GALNT13: variants seen among roughly 807,000 people sequenced by gnomAD.
GALNT13 encodes UDP-GalNAc:polypeptide N-acetylgalactosaminyltransferase 13.
In GALNT13, 28 loss-of-function variants were observed where a neutral mutation model predicts 64.2. That is an observed-to-expected ratio of 0.44 (90% CI 0.32 to 0.60). GALNT13 has a LOEUF of 0.60. GALNT13 is among the 20% of genes least tolerant of loss of function. The pLI, the probability that GALNT13 is intolerant of heterozygous loss-of-function variation, is 0.05. For missense variants in GALNT13, 577 were observed against 669.8 expected (o/e 0.86, Z 1.53); for synonymous variants, 214 against 224.6 (o/e 0.95, Z 0.42).
chr2:153,480,948 T>G, the GALNT13 span, among the ~76,000 whole-genome samples: 1 of 152,162 alleles, frequency 6.6e-6, no homozygotes. Flanking sequence ...TTTGAGTATA[T>G]TTATTGCTAG....
At chr2:153,158,713 G>A in the GALNT13 span, among the ~76,000 whole-genome samples, 1 of 152,112 alleles carries the variant, frequency 6.6e-6, no homozygotes, top group Admixed American at 6.5e-5. Flanking sequence ...TCTATTGTAT[G>A]GGATCTTTAA....
At chr2:153,794,840 G>C in the GALNT13 span, among the ~76,000 whole-genome samples, 298 of 152,210 alleles carry the variant, frequency 2.0e-3, no homozygotes, top group Admixed American at 4.4e-3. Flanking sequence ...TTCTTAATGT[G>C]ATACTTCAGA....
chr2:153,410,121 T>C, the GALNT13 span, among the ~76,000 whole-genome samples: 188 of 152,318 alleles, frequency 1.2e-3, no homozygotes, highest in Non-Finnish European at 2.2e-3. Flanking sequence ...GGTGTCACTC[T>C]GTCACCTAGG....
At chr2:153,554,849 AT>A in the GALNT13 span, among the ~76,000 whole-genome samples, 1 of 152,042 alleles carries the variant, frequency 6.6e-6, no homozygotes, top group East Asian at 1.9e-4. Flanking sequence ...CTTTCTTTTT[AT>A]ATCCTTTTAA....
the GALNT13 span, among the ~76,000 whole-genome samples, chr2:153,260,496 C>T: frequency 6.6e-6 from 1 of 152,024 alleles, no homozygotes; most frequent in Non-Finnish European, 1.5e-5. Context: ...TTTTCTTTTC[C>T]TTCAGTGCAT....
intron 3 of GALNT13, among the ~76,000 whole-genome samples, chr2:154,121,296 C>G (rs1574541547): frequency 6.6e-6 from 1 of 152,094 alleles, no homozygotes; most frequent in South Asian, 2.1e-4. Context: ...TTGAGACTTT[C>G]TATTTTGCTA....
chr2:154,105,079 G>A (rs1396878761), intron 3 of GALNT13, among the ~76,000 whole-genome samples: 1 of 152,018 alleles, frequency 6.6e-6, no homozygotes, highest in Non-Finnish European at 1.5e-5. Flanking sequence ...CCTTTTTGAG[G>A]GACTCCAGGT....
the GALNT13 span, among the ~76,000 whole-genome samples, chr2:153,862,483 C>T: frequency 1.4e-4 from 21 of 152,160 alleles, no homozygotes; most frequent in African/African-American, 3.4e-4. Context: ...TAATAGATTT[C>T]ATTGCTTTTG....
intron 3 of GALNT13, among the ~76,000 whole-genome samples, chr2:153,988,073 T>C (rs11889986): frequency 0.51 from 73,836 of 145,954 alleles, 19,236 homozygotes; most frequent in East Asian, 0.93. Flanking sequence ...TATATATATA[T>C]ACACACACAC....
the GALNT13 span, among the ~76,000 whole-genome samples, chr2:153,755,492 A>G: frequency 0.017 from 2,555 of 152,034 alleles, 77 homozygotes; most frequent in East Asian, 0.13. Flanking sequence ...GCATTTCTCT[A>G]ATGATTAGTG....
chr2:153,828,868 G>A, the GALNT13 span, among the ~76,000 whole-genome samples: 3,950 of 152,178 alleles, frequency 0.026, 83 homozygotes, highest in Non-Finnish European at 0.039. Context: ...ATCATCTCTT[G>A]AATGTTTTGC....
the GALNT13 span, among the ~76,000 whole-genome samples, chr2:153,085,057 T>TG: frequency 6.6e-6 from 1 of 152,140 alleles, no homozygotes; most frequent in South Asian, 2.1e-4. Flanking sequence ...ATGAGGAACT[T>TG]GTGGGAAGTG....
the GALNT13 span, among the ~76,000 whole-genome samples, chr2:153,113,355 G>A: frequency 3.3e-5 from 5 of 151,956 alleles, no homozygotes; most frequent in South Asian, 4.1e-4. Context: ...CATGTTGAAA[G>A]CATCAACAGG....
the GALNT13 span, among the ~76,000 whole-genome samples, chr2:153,403,914 A>G: frequency 6.6e-6 from 1 of 152,228 alleles, no homozygotes; most frequent in Admixed American, 6.5e-5. Context: ...TGGTAGCTGT[A>G]GACCGGAGCT....
chr2:153,095,653 A>T, the GALNT13 span, among the ~76,000 whole-genome samples: 1 of 152,314 alleles, frequency 6.6e-6, no homozygotes, highest in African/African-American at 2.4e-5. Context: ...TCCATCAATG[A>T]TAGACTGGAT....
At chr2:153,403,192 A>T in the GALNT13 span, among the ~76,000 whole-genome samples, 1 of 150,014 alleles carries the variant, frequency 6.7e-6, no homozygotes, top group Non-Finnish European at 1.5e-5. Flanking sequence ...CTGCCGTGTG[A>T]GGTGTCGGTA....
the GALNT13 span, among the ~76,000 whole-genome samples, chr2:153,647,459 CTTTAG>C: frequency 6.6e-6 from 1 of 152,154 alleles, no homozygotes. Context: ...TGCAGAAGCT[CTTTAG>C]TTTAATTAGA....
intron 8 of GALNT13, among the ~76,000 whole-genome samples, chr2:154,278,424 A>G (rs1691777058): frequency 6.6e-6 from 1 of 152,188 alleles, no homozygotes; most frequent in East Asian, 1.9e-4. Context: ...AAAGTTAAAG[A>G]TGTACCAGGA....
the GALNT13 span, among the ~76,000 whole-genome samples, chr2:153,736,844 G>A: frequency 2.0e-5 from 3 of 151,944 alleles, no homozygotes; most frequent in Non-Finnish European, 4.4e-5. Flanking sequence ...CCTGTGACTG[G>A]CTGCCACCAC....
Sources: gnomAD v4.1 joint callset for allele counts (sites outside exome capture counted in the v4.1 genomes callset) on GRCh38, gnomAD v4.1.1 for gene constraint, MANE v1.5 for transcripts, NCBI Gene and HGNC (gene_info 2026-07-23, HGNC 2026-07-21) for gene names.